The following IL4R variants were observed in gnomAD, a reference collection of about 807,000 sequenced individuals.
The protein encoded by IL4R is interleukin-4 receptor subunit alpha.
A neutral mutation model predicts 41.5 loss-of-function variants in IL4R; 17 were observed. That is an observed-to-expected ratio of 0.41 (90% CI 0.28 to 0.61). The LOEUF (loss-of-function observed/expected upper bound fraction) is 0.61. Ranked by LOEUF, IL4R falls within the 20% of genes least tolerant of loss-of-function variation. The pLI, the probability that IL4R is intolerant of heterozygous loss-of-function variation, is 0.31. For missense variants in IL4R, 974 were observed against 1,043.1 expected (o/e 0.93, Z 0.91); for synonymous variants, 402 against 422.9 (o/e 0.95, Z 0.61).
At chr16:27,320,886 G>GCTCTAAC (rs2084795073) in intron 1 of IL4R, among the ~76,000 whole-genome samples, 2 of 152,048 alleles carry the variant, frequency 1.3e-5, no homozygotes, top group Non-Finnish European at 2.9e-5. Flanking sequence ...ATTTCCACAG[G>GCTCTAAC]TGGGCAGCTC....
chr16:27,313,901 G>T, upstream of IL4R: 9 of 984,754 alleles, frequency 9.1e-6, no homozygotes, highest in Non-Finnish European at 1.1e-5. Context: ...AGGAAGCCGG[G>T]GCGGGCTGGG....
rs749643531 is a variant in IL4R at position 27,359,005 on chromosome 16, G to T, written c.849+11G>T. 1 of 1,604,904 alleles carries T rather than the reference G, an allele frequency of 6.2e-7. No individual in the cohort carries two copies. The highest frequency in any genetic ancestry group is 2.2e-5 in the East Asian group (1 of 44,842). On this transcript the variant is annotated intron_variant, in intron 9 of 10. Coordinates refer to ENST00000395762, the MANE Select transcript of IL4R (RefSeq NM_000418.4). ...ATCCAGGATGCTCAGGTAGGAGTAG[G>T]CGTGGATGAGGACATGTGGGACTGT...
chr16:27,335,809 G>C (rs1283683592), intron 2 of IL4R, among the ~76,000 whole-genome samples: 4 of 152,104 alleles, frequency 2.6e-5, no homozygotes, highest in Admixed American at 2.6e-4. Flanking sequence ...AGGAAGGCAT[G>C]ATAATCAAAT....
Position 27,363,416 on chromosome 16 carries a change from C to G in IL4R, c.2064C>G (p.Asp688Glu), listed in dbSNP as rs768261668. Residue 688 changes from aspartate (D) to glutamate (E), a missense_variant, in exon 11 of 11, where the codon GAC (aspartate) becomes GAG (glutamate). Physicochemically the swap from Asp to Glu is conservative, Grantham distance 45 (BLOSUM62 2). Coordinates refer to ENST00000395762, the MANE Select transcript of IL4R (RefSeq NM_000418.4). ...TGGAGCCGGGGGAAAAGGTAGAGGA[C>G]ATGCCAAAGCCCCCACTTCCCCAGG... ...LGLEPGEKVE[D>E]MPKPPLPQEQ... is the part of the protein sequence containing the mutation. 6.2e-7 allele frequency: 1 copy of G among 1,614,040 alleles called. No individual in the cohort carries two copies. The highest frequency in any genetic ancestry group is 1.1e-5 in the South Asian group (1 of 91,090).
chr16:27,313,969 C>A, upstream of IL4R: 2 of 984,626 alleles, frequency 2.0e-6, no homozygotes, highest in Non-Finnish European at 2.4e-6. Flanking sequence ...ACCCAGGGGT[C>A]CCCCACTTCC....
In IL4R at chr16:27,342,133, TC is replaced by T; in HGVS notation, c.84del (p.Leu29CysfsTer11). 6.2e-7 allele frequency: 1 copy of T among 1,614,120 alleles called. No individual in the cohort carries two copies. Among genetic ancestry groups the T allele is most frequent in the Non-Finnish European group, 8.5e-7 (1 of 1,180,008 alleles). Reference sequence around the variant, plus strand: ...TGTGTCTCCCCAGGGAACATGAAGGTCTTGCAGGAGCCCACCTGCGTCTCCG... The same window carrying T: ...TGTGTCTCCCCAGGGAACATGAAGGTTTGCAGGAGCCCACCTGCGTCTCCG... ...LQVASSGNMK[V>X]LQEPTCVSDY... On this transcript the variant is annotated frameshift_variant, in exon 4 of 11. Transcript: ENST00000395762. LOFTEE classifies it high-confidence loss of function.
chr16:27,345,334 G>A lies in IL4R; in HGVS notation c.361+314G>A, dbSNP rs56144432. On this transcript the variant is annotated intron_variant, in intron 5 of 10. Coordinates refer to ENST00000395762, the MANE Select transcript of IL4R (RefSeq NM_000418.4). The surrounding 1 kb of genome is among the most constrained non-coding windows in gnomAD (Gnocchi z 4.5). ...GCATGCCTGCTGCTGATTGAAAACC[G>A]AACTGGGAACATTCCTTCCATTCTG... is the stretch of plus-strand genomic sequence containing the variant. 257 of 473,980 alleles carry A rather than the reference G, an allele frequency of 5.4e-4. 1 individual carries two copies. Among genetic ancestry groups the A allele is most frequent in the South Asian group, 3.7e-3 (210 of 56,974 alleles). 29.4% of individuals were successfully genotyped at this position (473,980 alleles called of 1,614,324 possible).
Position 27,345,287 on chromosome 16 carries a change from G to A in IL4R, c.361+267G>A. 1 of 601,550 alleles carries A rather than the reference G, an allele frequency of 1.7e-6. No individual in the cohort carries two copies. The highest frequency in any genetic ancestry group is 3.1e-6 in the Non-Finnish European group (1 of 322,052). 37.3% of individuals were successfully genotyped at this position (601,550 alleles called of 1,614,324 possible). A position where few individuals can be genotyped will look rare whatever the true frequency, so the allele number is the denominator to read the frequency against. Reference sequence around the variant, plus strand: ...TTAAGTGCCCAGGAAGGCGTATTGAGATGAGGTGTGCTTGCTGGAAGGCAT... The same window carrying A: ...TTAAGTGCCCAGGAAGGCGTATTGAAATGAGGTGTGCTTGCTGGAAGGCAT... On this transcript the variant is annotated intron_variant, in intron 5 of 10. Transcript: ENST00000395762. This position sits in a 1 kb window ranked among gnomAD's most constrained non-coding sequence, Gnocchi z 4.5.
chr16:27,339,987 G>T (rs2085387253), intron 2 of IL4R, among the ~76,000 whole-genome samples, 199 bp from the exon 3 acceptor site: 1 of 152,156 alleles, frequency 6.6e-6, no homozygotes, highest in African/African-American at 2.4e-5. Flanking sequence ...AACCCGGGAG[G>T]TGGAGGTTGC....
At chr16:27,340,800 T>C (rs3024535) in intron 3 of IL4R, among the ~76,000 whole-genome samples, 5,025 of 151,784 alleles carry the variant, frequency 0.033, 204 homozygotes, top group East Asian at 0.14. Context: ...GTGGGGGGGA[T>C]TGCAGTTGAA....
chr16:27,341,411 G>A (rs1197920811), intron 3 of IL4R: 2 of 546,426 alleles, frequency 3.7e-6, no homozygotes, highest in Non-Finnish European at 6.5e-6. Context: ...AACATGGTAA[G>A]CCCTTATGCA....
intron 2 of IL4R, among the ~76,000 whole-genome samples, chr16:27,339,384 T>TCTCAA (rs2085366447): frequency 6.6e-6 from 1 of 152,116 alleles, no homozygotes; most frequent in Non-Finnish European, 1.5e-5. Context: ...TAAGCTGACT[T>TCTCAA]GTAACGTTAC....
In IL4R at chr16:27,363,644, C is replaced by T. The variant is rs761979161; in HGVS notation, c.2292C>T (p.Pro764=). The T allele has an allele frequency of 5.0e-6, 8 of 1,613,732 alleles. No homozygotes were observed. The highest frequency in any genetic ancestry group is 1.1e-5 in the South Asian group (1 of 91,086). ...CAACCCCCCTGAGGGCCCCAGACCC[C>T]TCTCCAGGTGGGGTTCCACTGGAGG... The part of the protein sequence containing the change: ...PPTTPLRAPD[P]SPGGVPLEAS... The change falls in exon 11 of 11, where the codon CCC becomes CCT. Residue 764 remains proline, a synonymous_variant. Coordinates refer to ENST00000395762, the MANE Select transcript of IL4R (RefSeq NM_000418.4).
Position 27,340,080 on chromosome 16 carries a change from C to T in IL4R, c.-18-106C>T, listed in dbSNP as rs373442392. 1.6e-4 allele frequency: 114 copies of T among 726,606 alleles called. No individual in the cohort carries two copies. In the East Asian group the frequency reaches 1.7e-3, roughly 11 times the overall value. The allele number at this position is 726,606 out of a possible 1,614,324, so 45.0% of individuals were successfully genotyped here. A position where few individuals can be genotyped will look rare whatever the true frequency, so the allele number is the denominator to read the frequency against. On this transcript the variant is annotated intron_variant, in intron 2 of 10. Coordinates refer to ENST00000395762, the MANE Select transcript of IL4R (RefSeq NM_000418.4). The stretch of plus-strand genomic sequence containing the variant: ...TCGGAAAAACAAACAAACAAGCAAA[C>T]AAACAAACAAATAAATGGCCAGGGC...
chr16:27,321,924 T>C (rs2141061118), intron 1 of IL4R, among the ~76,000 whole-genome samples: 1 of 152,304 alleles, frequency 6.6e-6, no homozygotes, highest in African/African-American at 2.4e-5. Context: ...TCAATATATG[T>C]GGTTCCTATA....
intron 1 of IL4R, among the ~76,000 whole-genome samples, chr16:27,329,569 C>T (rs527323503): frequency 2.0e-4 from 30 of 151,076 alleles, no homozygotes; most frequent in Non-Finnish European, 3.2e-4. Context: ...TCCAGCTACT[C>T]GAGAGGCTGA....
chr16:27,330,879 T>C (rs1394392281), intron 2 of IL4R, among the ~76,000 whole-genome samples: 1 of 152,122 alleles, frequency 6.6e-6, no homozygotes, highest in African/African-American at 2.4e-5. Flanking sequence ...TCTAATGAGC[T>C]GTGAACCCCC....
chr16:27,355,429 CATTAACCCCAT>C, intron 7 of IL4R: 1 of 294,894 alleles, frequency 3.4e-6, no homozygotes, highest in South Asian at 3.2e-5. Flanking sequence ...TCAATTCTGT[CATTAACCCCAT>C]AGTACAGATG....
intron 1 of IL4R, among the ~76,000 whole-genome samples, chr16:27,327,063 CTGAT>C (rs1156973454): frequency 6.6e-6 from 1 of 152,198 alleles, no homozygotes; most frequent in Non-Finnish European, 1.5e-5. Flanking sequence ...GCATGACTAA[CTGAT>C]TGCGCCACAG....
Sources: allele counts gnomAD v4.1 joint callset (sites outside exome capture counted in the v4.1 genomes callset), GRCh38; gene constraint gnomAD v4.1.1; non-coding constraint Gnocchi (gnomAD v3.1); transcripts MANE v1.5; gene names NCBI Gene and HGNC (gene_info 2026-07-23, HGNC 2026-07-21).